LOXL3: variants seen among roughly 807,000 people sequenced by gnomAD.
LOXL3 encodes the protein lysyl oxidase homolog 3.
Under a neutral mutation model 91.8 loss-of-function variants are expected in LOXL3, and 60 were observed. That is an observed-to-expected ratio of 0.65 (90% CI 0.53 to 0.81). The LOEUF is 0.81. Ranked by LOEUF, LOXL3 falls within the 30% of genes least tolerant of loss-of-function variation. The pLI is 0.00. For synonymous variants in LOXL3, 355 were observed against 387.6 expected (o/e 0.92, Z 0.99); for missense variants, 874 against 1,000.4 (o/e 0.87, Z 1.70).
upstream of LOXL3, chr2:74,554,281 C>T (rs1296919017): frequency 6.2e-6 from 1 of 160,764 alleles, no homozygotes; most frequent in African/African-American, 2.4e-5. This position sits in a 1 kb window ranked among gnomAD's most constrained non-coding sequence, Gnocchi z 4.9. Context: ...CAACCCCAGC[C>T]CTCCCTCCGA....
rs775561984 is a variant in LOXL3, at chr2:74,535,593, G to A, written c.1411C>T (p.Leu471=). 1 of 1,613,970 alleles carries A rather than the reference G, an allele frequency of 6.2e-7. No homozygotes were observed. Among genetic ancestry groups the A allele is most frequent in the Non-Finnish European group, 8.5e-7 (1 of 1,180,022 alleles). Residue 471 remains leucine (L), a synonymous_variant, in exon 8 of 14, where the codon CTG becomes TTG. Transcript: ENST00000264094. The surrounding 1 kb of genome is among the most constrained non-coding windows in gnomAD (Gnocchi z 4.2). ...QLGLGYANHG[L]QETWYWDSGN... ...CCCCTTTCCTTCCCACTCACCTGCAGGCCGTGGTTGGCGTAGCCCAGACCC... is the reference window on the plus strand; with the variant it reads ...CCCCTTTCCTTCCCACTCACCTGCAAGCCGTGGTTGGCGTAGCCCAGACCC...
In LOXL3 at chr2:74,534,614, G is replaced by A. The variant is rs1323471907; in HGVS notation, c.1740C>T (p.Phe580=). ...GTCCCAGGTTGTGGATCTGGGAGGA[G>A]AATCGGAGCAGACGCCGGTGACCAT... ...WPYGHRRLLR[F]SSQIHNLGRA... is the part of the protein sequence containing the mutation. The change falls in exon 10 of 14, where the codon TTC becomes TTT. Residue 580 remains phenylalanine, a synonymous_variant. Transcript: ENST00000264094. 2 of 1,614,238 alleles carry A rather than the reference G, an allele frequency of 1.2e-6. No homozygotes were observed. Among genetic ancestry groups the A allele is most frequent in the Non-Finnish European group, 1.7e-6 (2 of 1,180,044 alleles).
At position 74,548,570 on chromosome 2, in the gene LOXL3, G is replaced by A. The variant is rs553980671; in HGVS notation, c.692+799C>T. Among the ~76,000 whole-genome samples, 15 of 152,318 alleles carry A rather than the reference G, an allele frequency of 9.8e-5. No homozygotes were observed. In the East Asian group the frequency reaches 1.9e-3, roughly 20 times the overall value. The stretch of plus-strand genomic sequence containing the variant: ...AATACTGATCTAGGGAACCACTGAA[G>A]AAAGGGAGGATTTTTGGCTCGCAAA... On this transcript the variant is annotated intron_variant, in intron 4 of 13. Transcript: ENST00000264094.
intron 2 of LOXL3, 102 bp from the exon 3 acceptor site, chr2:74,550,450 A>G: frequency 8.0e-7 from 1 of 1,251,334 alleles, no homozygotes; most frequent in South Asian, 1.4e-5. Context: ...CCACTTGGCC[A>G]TGATGATCCC....
rs758033190 is a variant in LOXL3 at position 74,546,779 on chromosome 2, C to T, written c.692+2590G>A. Among the ~76,000 whole-genome samples, 27 of 151,968 alleles carry T rather than the reference C, an allele frequency of 1.8e-4. 1 individual carries two copies. The highest frequency in any genetic ancestry group is 1.7e-3 in the Admixed American group (26 of 15,258). On this transcript the variant is annotated intron_variant, in intron 4 of 13. Transcript: ENST00000264094. ...TTGCCCAGGCTGGAGTGCAATGGCG[C>T]GATCTCAGCTCACCGCAACCTCCGC...
intron 4 of LOXL3, among the ~76,000 whole-genome samples, chr2:74,541,569 A>AT (rs937232635): frequency 4.6e-5 from 7 of 152,062 alleles, no homozygotes; most frequent in African/African-American, 1.4e-4. Context: ...ATGGTGTGAA[A>AT]TTTTTTCTCC....
Position 74,533,001 on chromosome 2 carries a change from T to C in LOXL3, c.*605A>G. 1 of 1,611,296 alleles carries C rather than the reference T, an allele frequency of 6.2e-7. No homozygotes were observed. The highest frequency in any genetic ancestry group is 8.5e-7 in the Non-Finnish European group (1 of 1,178,532). On this transcript the variant is annotated 3_prime_UTR_variant, in exon 14 of 14. Transcript: ENST00000264094. The stretch of plus-strand genomic sequence containing the variant: ...CACAGAATGAATAGATCACCAAGAG[T>C]ATGAGGCTCCTGCTCTGATTTCCTC...
chr2:74,549,804 G>A lies in LOXL3; in HGVS notation c.478-221C>T. On this transcript the variant is annotated intron_variant, in intron 3 of 13. Coordinates refer to ENST00000264094, the MANE Select transcript of LOXL3 (RefSeq NM_032603.5). The surrounding 1 kb of genome is among the most constrained non-coding windows in gnomAD (Gnocchi z 5.3). ...GCTGTGCTCCCAGAGAGGATTCAGG[G>A]CACTAGGAAGGAGGCCCTCCCTGTG... is the stretch of plus-strand genomic sequence containing the variant. 1.4e-6 allele frequency: 2 copies of A among 1,412,590 alleles called. No homozygotes were observed. The highest frequency in any genetic ancestry group is 1.8e-6 in the Non-Finnish European group (2 of 1,087,816). The allele number at this position is 1,412,590 out of a possible 1,614,324, so 87.5% of individuals were successfully genotyped here.
Position 74,533,589 on chromosome 2 carries a change from G to A in LOXL3, c.*17C>T. The A allele has an allele frequency of 6.2e-7, 1 of 1,612,752 alleles. No individual in the cohort carries two copies. The highest frequency in any genetic ancestry group is 2.2e-5 in the East Asian group (1 of 44,874). On this transcript the variant is annotated 3_prime_UTR_variant, in exon 14 of 14. Transcript: ENST00000264094. ...TGCCATTAGGGGCCAGTGGTGGTTT[G>A]CAGAGGGCAGTGGCACTTAGATAAT...
intron 4 of LOXL3, among the ~76,000 whole-genome samples, chr2:74,537,762 C>T (rs887028993): frequency 1.3e-5 from 2 of 152,088 alleles, no homozygotes; most frequent in African/African-American, 4.8e-5. Flanking sequence ...GGAAATGCTG[C>T]CGAGATGTTT....
chr2:74,535,171 C>T lies in LOXL3; in HGVS notation c.1579+121G>A, dbSNP rs541656730. The T allele has an allele frequency of 8.5e-5, 99 of 1,161,440 alleles. 4 individuals are homozygous for T. The South Asian group carries it at 1.4e-3, about 16-fold the overall frequency. The allele number at this position is 1,161,440 out of a possible 1,614,324, so 71.9% of individuals were successfully genotyped here. ...GGATTACAGGCGTGAGCCACTGCACCCGGCGAAACTGGCTCTTTTATGGGG... is the reference window on the plus strand; with the variant it reads ...GGATTACAGGCGTGAGCCACTGCACTCGGCGAAACTGGCTCTTTTATGGGG... On this transcript the variant is annotated intron_variant, in intron 9 of 13. Transcript: ENST00000264094. The surrounding 1 kb of genome is among the most constrained non-coding windows in gnomAD (Gnocchi z 4.2).
intron 4 of LOXL3, among the ~76,000 whole-genome samples, chr2:74,543,680 C>G (rs1676443049): frequency 6.6e-6 from 1 of 151,254 alleles, no homozygotes; most frequent in Non-Finnish European, 1.5e-5. Flanking sequence ...ATCCTGAGGT[C>G]AGGAGATCAA....
chr2:74,536,097 G>A lies in LOXL3; in HGVS notation c.1147C>T (p.Leu383Phe). The change falls in exon 7 of 14, where the codon CTC becomes TTC. Residue 383 changes from leucine to phenylalanine, a missense_variant. Transcript: ENST00000264094. This position sits in a 1 kb window ranked among gnomAD's most constrained non-coding sequence, Gnocchi z 4.5. ...EVRCSGQELS[L>F]WKCPHKNITA... ...ATGTTCTTGTGGGGGCACTTCCAGA[G>A]GGAGAGCTCCTGTCCAGAGCAGCGA... The A allele has an allele frequency of 1.2e-6, 2 of 1,613,920 alleles. No individual in the cohort carries two copies. Among genetic ancestry groups the A allele is most frequent in the Non-Finnish European group, 1.7e-6 (2 of 1,179,952 alleles).
At position 74,535,751 on chromosome 2, in the gene LOXL3, C is replaced by T. The variant is rs145303536; in HGVS notation, c.1253G>A (p.Arg418Gln). 7.7e-6 allele frequency: 12 copies of T among 1,566,930 alleles called. No homozygotes were observed. The highest frequency in any genetic ancestry group is 5.5e-5 in the African/African-American group (4 of 72,614). ...ATGTTGGCTGCGGCCCCCACTGAGTCGGATCTGTAGTGACACAGAATGGAA... is the reference window on the plus strand; with the variant it reads ...ATGTTGGCTGCGGCCCCCACTGAGTTGGATCTGTAGTGACACAGAATGGAA... The part of the protein sequence containing the change: ...LPYTGAETRI[R>Q]LSGGRSQHEG... Residue 418 changes from arginine (R) to glutamine (Q), a missense_variant, in exon 8 of 14, where the codon CGA becomes CAA. Coordinates refer to ENST00000264094, the MANE Select transcript of LOXL3 (RefSeq NM_032603.5). The surrounding 1 kb of genome is among the most constrained non-coding windows in gnomAD (Gnocchi z 4.2).
At position 74,536,181 on chromosome 2, in the gene LOXL3, G is replaced by A. The variant is rs1322670107; in HGVS notation, c.1094-31C>T. On this transcript the variant is annotated intron_variant, in intron 6 of 13. Coordinates refer to ENST00000264094, the MANE Select transcript of LOXL3 (RefSeq NM_032603.5). This position sits in a 1 kb window ranked among gnomAD's most constrained non-coding sequence, Gnocchi z 4.5. ...GCCAGATGGCAAAGATCAGGAAGTT[G>A]TAATTAAGCATATATTGTCTGCCCA... 1 of 1,612,430 alleles carries A rather than the reference G, an allele frequency of 6.2e-7. No homozygotes were observed. Among genetic ancestry groups the A allele is most frequent in the Admixed American group, 1.7e-5 (1 of 60,002 alleles).
Position 74,549,595 on chromosome 2 carries a change from G to A in LOXL3, c.478-12C>T, listed in dbSNP as rs747088730. 6.3e-7 allele frequency: 1 copy of A among 1,595,990 alleles called. No homozygotes were observed. The highest frequency in any genetic ancestry group is 1.1e-5 in the South Asian group (1 of 89,704). ...AGGTGATGCTCTACCTGGGGGCGGG[G>A]CCACAAGCAGGGAAAGAATCCCAGT... On this transcript the variant is annotated splice_polypyrimidine_tract_variant and intron_variant, in intron 3 of 13. Coordinates refer to ENST00000264094, the MANE Select transcript of LOXL3 (RefSeq NM_032603.5). The surrounding 1 kb of genome is among the most constrained non-coding windows in gnomAD (Gnocchi z 5.3).
rs1176290286 is a variant in LOXL3 at position 74,540,678 on chromosome 2, TG to T, written c.693-3751del. ...AATAATTTTTCCTTTTTTTTTTTTTTGGTCTTTGAGACAGGGTTACTCTGTC... is the reference window on the plus strand; with the variant it reads ...AATAATTTTTCCTTTTTTTTTTTTTTGTCTTTGAGACAGGGTTACTCTGTC... On this transcript the variant is annotated intron_variant, in intron 4 of 13. Coordinates refer to ENST00000264094, the MANE Select transcript of LOXL3 (RefSeq NM_032603.5). Among the ~76,000 whole-genome samples, 11 of 148,300 alleles carry T rather than the reference TG, an allele frequency of 7.4e-5. No individual in the cohort carries two copies. In the South Asian group the frequency reaches 1.9e-3, roughly 25 times the overall value.
chr2:74,535,275 C>T lies in LOXL3; in HGVS notation c.1579+17G>A. The T allele has an allele frequency of 1.2e-6, 2 of 1,601,700 alleles. No individual in the cohort carries two copies. On this transcript the variant is annotated intron_variant, in intron 9 of 13. Transcript: ENST00000264094. This position sits in a 1 kb window ranked among gnomAD's most constrained non-coding sequence, Gnocchi z 4.2. ...ACACTCCCTTCCCTGGCATGCATCA[C>T]CCCCTCCTTCACTCACTCTCAGAAC...
chr2:74,551,355 C>T (rs1482017949), intron 2 of LOXL3, among the ~76,000 whole-genome samples: 5 of 152,242 alleles, frequency 3.3e-5, no homozygotes, highest in Admixed American at 2.0e-4. Flanking sequence ...CCAGTTGTTG[C>T]GGAGACACCT....
Sources: allele counts gnomAD v4.1 joint callset (sites outside exome capture counted in the v4.1 genomes callset), GRCh38; gene constraint gnomAD v4.1.1; non-coding constraint Gnocchi (gnomAD v3.1); transcripts MANE v1.5; gene names NCBI Gene and HGNC (gene_info 2026-07-23, HGNC 2026-07-21).